The following LY86 variants were observed in gnomAD, a reference collection of about 807,000 sequenced individuals.
LY86 encodes the protein lymphocyte antigen 86.
Under a neutral mutation model 17.3 loss-of-function variants are expected in LY86, and 20 were observed. The observed-to-expected ratio is 1.15, with a 90% confidence interval of 0.81 to 1.68. The LOEUF (loss-of-function observed/expected upper bound fraction) is 1.68. Ranked by LOEUF, LY86 falls within the 40% of genes most tolerant of loss-of-function variation. LY86 has a pLI of 0.00. For missense variants in LY86, 200 were observed against 191.9 expected, an observed-to-expected ratio of 1.04 and a Z score of -0.25; for synonymous variants, 74 against 70.6, an observed-to-expected ratio of 1.05 and a Z score of -0.24.
chr6:6,605,775 G>A lies in LY86; in HGVS notation c.136+16905G>A, dbSNP rs1761105709. Reference sequence around the variant, plus strand: ...CCAGAACTTATTCTTTCTGATGCTGGGATGTGTTCAGTTTCTTCCTTTTGG... The same window carrying A: ...CCAGAACTTATTCTTTCTGATGCTGAGATGTGTTCAGTTTCTTCCTTTTGG... On this transcript the variant is annotated intron_variant, in intron 1 of 4. Coordinates refer to ENST00000230568, the MANE Select transcript of LY86 (RefSeq NM_004271.4). 3.9e-5 allele frequency among the ~76,000 whole-genome samples: 6 copies of A among 152,140 alleles called. 1 individual carries two copies. Among genetic ancestry groups the A allele is most frequent in the Admixed American group, 3.9e-4 (6 of 15,280 alleles).
chr6:6,604,175 C>T (rs1243593550), intron 1 of LY86, among the ~76,000 whole-genome samples: 1 of 152,080 alleles, frequency 6.6e-6, no homozygotes, highest in Non-Finnish European at 1.5e-5. Context: ...CACTGGGTCT[C>T]TAAATTTTTA....
intron 3 of LY86, among the ~76,000 whole-genome samples, chr6:6,628,407 A>G (rs1397285751): frequency 6.7e-6 from 1 of 149,322 alleles, no homozygotes; most frequent in African/African-American, 2.5e-5. Flanking sequence ...GCCTTAAGGG[A>G]TCCTTTGCCA....
Position 6,626,304 on chromosome 6 carries a change from A to G in LY86, c.235A>G (p.Lys79Glu), listed in dbSNP as rs747396120. ...RFGIILREDI[K>E]ELFLDLALMS... ...TCTCTTTCCTCCAGGAGAGGACATC[A>G]AAGAGCTTTTTCTTGACCTAGCTCT... Residue 79 changes from lysine to glutamate, a missense_variant, in exon 3 of 5, where the codon AAA becomes GAA. Transcript: ENST00000230568. 1 of 1,613,890 alleles carries G rather than the reference A, an allele frequency of 6.2e-7. No homozygotes were observed. Among genetic ancestry groups the G allele is most frequent in the South Asian group, 1.1e-5 (1 of 91,086 alleles).
intron 3 of LY86, among the ~76,000 whole-genome samples, chr6:6,645,956 C>G (rs1008344467): frequency 1.3e-5 from 2 of 152,086 alleles, no homozygotes; most frequent in Non-Finnish European, 2.9e-5. Context: ...GGGAAGGGGT[C>G]TCTTTGTCTC....
At chr6:6,600,100 TATA>T (rs1360614867) in intron 1 of LY86, among the ~76,000 whole-genome samples, 6 of 152,294 alleles carry the variant, frequency 3.9e-5, no homozygotes, top group Admixed American at 1.3e-4. Flanking sequence ...GGGGCTCCTT[TATA>T]ATATTGAGAA....
chr6:6,649,425 T>C (rs1314655981), intron 3 of LY86, among the ~76,000 whole-genome samples, 200 bp from the exon 4 acceptor site: 2 of 152,230 alleles, frequency 1.3e-5, no homozygotes, highest in African/African-American at 4.8e-5. Flanking sequence ...ACATGGAAGG[T>C]GCCCGACCAA....
intron 1 of LY86, among the ~76,000 whole-genome samples, chr6:6,592,898 A>G (rs968549192): frequency 3.2e-4 from 48 of 152,250 alleles, no homozygotes; most frequent in African/African-American, 1.1e-3. Context: ...CTAAGGGGAA[A>G]TCATAAAGGC....
intron 1 of LY86, among the ~76,000 whole-genome samples, chr6:6,617,235 T>C (rs1761575418): frequency 6.6e-6 from 1 of 152,210 alleles, no homozygotes; most frequent in Non-Finnish European, 1.5e-5. Context: ...TGAACTGGCC[T>C]GGTCAAAATG....
intron 1 of LY86, among the ~76,000 whole-genome samples, chr6:6,607,831 C>T (rs1761230052): frequency 6.6e-6 from 1 of 151,736 alleles, no homozygotes; most frequent in South Asian, 2.1e-4. Context: ...ACCCGGGAGG[C>T]AAAGGTTGCG....
At chr6:6,603,506 T>C (rs964653242) in intron 1 of LY86, among the ~76,000 whole-genome samples, 7 of 150,534 alleles carry the variant, frequency 4.7e-5, no homozygotes, top group African/African-American at 7.4e-5. Flanking sequence ...CTTTTAAATA[T>C]ATAGCTGAGC....
intron 1 of LY86, among the ~76,000 whole-genome samples, chr6:6,598,838 T>C (rs981785144): frequency 2.6e-5 from 4 of 152,324 alleles, no homozygotes; most frequent in African/African-American, 7.2e-5. Flanking sequence ...CATGCTGAAC[T>C]TTGTCTGCAT....
At chr6:6,638,409 A>G (rs768313292) in intron 3 of LY86, among the ~76,000 whole-genome samples, 6 of 152,218 alleles carry the variant, frequency 3.9e-5, no homozygotes, top group Non-Finnish European at 8.8e-5. Context: ...TATTTCTCTT[A>G]GCCAGTGCTG....
chr6:6,603,000 G>C (rs1438666818), intron 1 of LY86, among the ~76,000 whole-genome samples: 1 of 152,158 alleles, frequency 6.6e-6, no homozygotes, highest in Non-Finnish European at 1.5e-5. Context: ...CACAGTTCTA[G>C]AGGCCAGGGA....
chr6:6,593,160 G>T (rs1240581317), intron 1 of LY86, among the ~76,000 whole-genome samples: 3 of 152,280 alleles, frequency 2.0e-5, no homozygotes, highest in Non-Finnish European at 4.4e-5. Context: ...CAGGGCCTGG[G>T]CCTTGCTCCC....
chr6:6,616,259 C>T (rs1046015957), intron 1 of LY86, among the ~76,000 whole-genome samples: 4 of 152,170 alleles, frequency 2.6e-5, no homozygotes, highest in African/African-American at 9.7e-5. Context: ...TCTCTGTAAG[C>T]AACTTGAATC....
chr6:6,605,414 A>G (rs1007756203), intron 1 of LY86, among the ~76,000 whole-genome samples: 6 of 152,222 alleles, frequency 3.9e-5, no homozygotes, highest in Non-Finnish European at 7.3e-5. Flanking sequence ...ATCGCAATGA[A>G]CAGACCTCCA....
In LY86 at chr6:6,637,282, A is replaced by T. The variant is rs1403684842; in HGVS notation, c.352+10861A>T. 2.0e-5 allele frequency among the ~76,000 whole-genome samples: 3 copies of T among 152,090 alleles called. 1 individual carries two copies. Among genetic ancestry groups the T allele is most frequent in the African/African-American group, 7.2e-5 (3 of 41,418 alleles). On this transcript the variant is annotated intron_variant, in intron 3 of 4. Coordinates refer to ENST00000230568, the MANE Select transcript of LY86 (RefSeq NM_004271.4). ...CACCTCGGCCTCCCAAAGTGCTGGGATTACAGGCGTGAGCCACCGCACCTG... is the reference window on the plus strand; with the variant it reads ...CACCTCGGCCTCCCAAAGTGCTGGGTTTACAGGCGTGAGCCACCGCACCTG...
At chr6:6,593,142 T>G (rs147452754) in intron 1 of LY86, among the ~76,000 whole-genome samples, 2,413 of 152,376 alleles carry the variant, frequency 0.016, 65 homozygotes, top group African/African-American at 0.056. Context: ...TCAATTTCAC[T>G]GGGTAGACAG....
intron 3 of LY86, among the ~76,000 whole-genome samples, chr6:6,636,841 C>CAA (rs1761966027): frequency 6.8e-6 from 1 of 147,844 alleles, no homozygotes; most frequent in African/African-American, 2.5e-5. Flanking sequence ...GCAGAATCAC[C>CAA]AAAAACAATG....
Sources: gnomAD v4.1 joint callset for allele counts (sites outside exome capture counted in the v4.1 genomes callset) on GRCh38, gnomAD v4.1.1 for gene constraint, MANE v1.5 for transcripts, NCBI Gene and HGNC (gene_info 2026-07-23, HGNC 2026-07-21) for gene names.